Variants in SH3D19 observed in about 807,000 individuals in gnomAD.
SH3D19 encodes SH3 domain containing 19, also known as SH3 domain-containing protein 19.
A neutral mutation model predicts 112.1 loss-of-function variants in SH3D19; 58 were observed. That is an observed-to-expected ratio of 0.52 (90% confidence interval 0.42 to 0.64). SH3D19 has a LOEUF of 0.64. Ranked by LOEUF, SH3D19 falls within the 30% of genes least tolerant of loss-of-function variation. The probability of loss-of-function intolerance (pLI) is 0.00; values close to 1 mark genes in which losing one functional copy is unlikely to be tolerated. For missense variants in SH3D19, 1,090 were observed against 1,263.4 expected (o/e 0.86, Z 2.08); for synonymous variants, 391 against 448.5 (o/e 0.87, Z 1.62).
At chr4:151,122,479 T>TA (rs1223725253) in intron 19 of SH3D19, among the ~76,000 whole-genome samples, 1 of 150,606 alleles carries the variant, frequency 6.6e-6, no homozygotes, top group Non-Finnish European at 1.5e-5. Flanking sequence ...ACTCCTAATC[T>TA]AAAATCCCTC....
In SH3D19 at chr4:151,278,095, G is replaced by T. The variant is rs547723089; in HGVS notation, c.112+47146C>A. ...AGCAAAAAACTTAACAGGTAGCAAA[G>T]AAGAAAGATACACAAATACTGCAAA... On this transcript the variant is annotated intron_variant, in intron 1 of 19. Transcript: ENST00000604030. Among the ~76,000 whole-genome samples, 4 of 152,304 alleles carry T rather than the reference G, an allele frequency of 2.6e-5. No individual in the cohort carries two copies. The South Asian group carries it at 8.3e-4, about 32-fold the overall frequency.
chr4:151,219,105 T>G (rs765057560), intron 2 of SH3D19, among the ~76,000 whole-genome samples: 1 of 152,226 alleles, frequency 6.6e-6, no homozygotes, highest in Non-Finnish European at 1.5e-5. Context: ...TCTGAAACTT[T>G]TCCTAGTCCC....
chr4:151,189,206 C>T lies in SH3D19; in HGVS notation c.153-1743G>A, dbSNP rs145324576. 2.5e-3 allele frequency among the ~76,000 whole-genome samples: 375 copies of T among 151,030 alleles called. 1 individual carries two copies. Among genetic ancestry groups the T allele is most frequent in the African/African-American group, 8.7e-3 (358 of 41,092 alleles). On this transcript the variant is annotated intron_variant, in intron 2 of 19. Coordinates refer to ENST00000604030, the MANE Select transcript of SH3D19 (RefSeq NM_001378122.1). ...TCGGCTCACTGCCAGCTCTGCCTCC[C>T]GGGTTCACACCATTCTCCTGCCTCA...
At chr4:151,300,297 G>A (rs1728259629) in intron 1 of SH3D19, among the ~76,000 whole-genome samples, 1 of 152,074 alleles carries the variant, frequency 6.6e-6, no homozygotes, top group South Asian at 2.1e-4. Flanking sequence ...ATTGGACTAT[G>A]CGTGATACTA....
chr4:151,263,956 A>G (rs72967566), intron 1 of SH3D19, among the ~76,000 whole-genome samples: 4,850 of 152,126 alleles, frequency 0.032, 269 homozygotes, highest in African/African-American at 0.11. Flanking sequence ...ACAGGTACAC[A>G]CCACCACTCT....
intron 1 of SH3D19, among the ~76,000 whole-genome samples, chr4:151,247,638 C>G (rs373142441): frequency 6.6e-6 from 1 of 152,134 alleles, no homozygotes; most frequent in Non-Finnish European, 1.5e-5. Flanking sequence ...CTAGAAAGAT[C>G]GCTTGTGCCC....
intron 14 of SH3D19, among the ~76,000 whole-genome samples, chr4:151,137,348 A>G (rs181299264): frequency 1.3e-5 from 2 of 152,320 alleles, no homozygotes; most frequent in East Asian, 3.9e-4. Context: ...CTCCAAAGAA[A>G]AGAAGTGGTA....
At chr4:151,198,145 A>G (rs990623146) in intron 2 of SH3D19, among the ~76,000 whole-genome samples, 2 of 151,376 alleles carry the variant, frequency 1.3e-5, no homozygotes, top group African/African-American at 4.9e-5. Context: ...CTCTACAAAA[A>G]ATACAAAAAA....
intron 2 of SH3D19, among the ~76,000 whole-genome samples, chr4:151,222,441 T>G (rs1205753215): frequency 1.3e-5 from 2 of 152,310 alleles, no homozygotes; most frequent in East Asian, 1.9e-4. Flanking sequence ...ACCCTTACAT[T>G]AATACTTTGG....
At chr4:151,273,483 G>A (rs983773892) in intron 1 of SH3D19, among the ~76,000 whole-genome samples, 1 of 151,314 alleles carries the variant, frequency 6.6e-6, no homozygotes, top group African/African-American at 2.4e-5. Context: ...CCAGCTACTC[G>A]GGAGGCTGAG....
intron 2 of SH3D19, among the ~76,000 whole-genome samples, chr4:151,213,055 T>G (rs919202081): frequency 6.6e-6 from 1 of 152,216 alleles, no homozygotes; most frequent in Non-Finnish European, 1.5e-5. Flanking sequence ...CCTAAAGATG[T>G]GACCACATTG....
intron 2 of SH3D19, among the ~76,000 whole-genome samples, chr4:151,198,428 TTATATAA>T (rs1763885698): frequency 7.1e-6 from 1 of 141,648 alleles, no homozygotes; most frequent in African/African-American, 2.6e-5. Flanking sequence ...AAAATATATA[TTATATAA>T]AATATATATA....
chr4:151,157,513 C>T (rs1172031599), intron 9 of SH3D19, among the ~76,000 whole-genome samples: 5 of 151,860 alleles, frequency 3.3e-5, no homozygotes. Flanking sequence ...AGTACAATCA[C>T]TGTAGAGAAC....
chr4:151,169,902 A>C (rs1187082421), intron 7 of SH3D19, among the ~76,000 whole-genome samples: 1 of 152,214 alleles, frequency 6.6e-6, no homozygotes, highest in Non-Finnish European at 1.5e-5. Flanking sequence ...AAATAAAACA[A>C]ACAAAACAAC....
chr4:151,254,575 C>T (rs1362145119), intron 1 of SH3D19, among the ~76,000 whole-genome samples: 1 of 147,592 alleles, frequency 6.8e-6, no homozygotes, highest in Admixed American at 6.8e-5. Flanking sequence ...CATCTTGCAC[C>T]GCCCTTAATC....
At chr4:151,181,526 C>T (rs1468458012) in intron 3 of SH3D19, among the ~76,000 whole-genome samples, 1 of 152,162 alleles carries the variant, frequency 6.6e-6, no homozygotes, top group Non-Finnish European at 1.5e-5. Flanking sequence ...ACCAAGCTGA[C>T]AGGGAGGCTA....
intron 14 of SH3D19, 96 bp from the exon 15 acceptor site, chr4:151,135,228 C>A: frequency 1.0e-6 from 1 of 972,702 alleles, no homozygotes; most frequent in South Asian, 1.7e-5. Flanking sequence ...TGACTGAAAT[C>A]GATCGGTTTA....
Position 151,325,148 on chromosome 4 carries a change from C to T in SH3D19, c.112+93G>A, listed in dbSNP as rs1561461603. 9.2e-5 allele frequency: 57 copies of T among 619,922 alleles called. No individual in the cohort carries two copies. In the South Asian group the frequency reaches 4.4e-3, roughly 48 times the overall value. The allele number at this position is 619,922 out of a possible 1,614,324, so 38.4% of individuals were successfully genotyped here. A position where few individuals can be genotyped will look rare whatever the true frequency, so the allele number is the denominator to read the frequency against. ...TAAAGAAGCCGGTCCCATCCCGGCG[C>T]GTGAAGGAGCTGCCGCTGTGTGGGG... On this transcript the variant is annotated intron_variant, in intron 1 of 19. Transcript: ENST00000604030.
intron 1 of SH3D19, among the ~76,000 whole-genome samples, chr4:151,276,091 C>T (rs1773597292): frequency 6.6e-6 from 1 of 152,060 alleles, no homozygotes; most frequent in African/African-American, 2.4e-5. Context: ...GATCCACCCG[C>T]CTCGGCCTCC....
Sources: gnomAD v4.1 joint callset for allele counts (sites outside exome capture counted in the v4.1 genomes callset) on GRCh38, gnomAD v4.1.1 for gene constraint, MANE v1.5 for transcripts, NCBI Gene and HGNC (gene_info 2026-07-23, HGNC 2026-07-21) for gene names.